Variants in SLC1A4 observed in about 807,000 individuals in gnomAD.
SLC1A4 encodes neutral amino acid transporter A.
In SLC1A4, 19 loss-of-function variants were observed where a neutral mutation model predicts 37.7. That is an observed-to-expected ratio of 0.50 (90% CI 0.35 to 0.74). The LOEUF is 0.74. Among genes scored for constraint, SLC1A4 ranks in the 30% least tolerant of loss-of-function variants. The pLI is 0.01. For synonymous variants in SLC1A4, 299 were observed against 309.8 expected (o/e 0.97, Z 0.37); for missense variants, 570 against 712.9 (o/e 0.80, Z 2.28).
intron 4 of SLC1A4, among the ~76,000 whole-genome samples, chr2:65,014,164 A>C (rs1339908451): frequency 6.6e-6 from 1 of 152,196 alleles, no homozygotes; most frequent in Non-Finnish European, 1.5e-5. Flanking sequence ...AAAATATAAA[A>C]AGTCTGCATG....
At chr2:64,991,746 G>A (rs1018577607) in intron 1 of SLC1A4, among the ~76,000 whole-genome samples, 4 of 152,080 alleles carry the variant, frequency 2.6e-5, no homozygotes, top group Non-Finnish European at 2.9e-5. Flanking sequence ...GATTACAGGC[G>A]CGTGCCACCA....
chr2:65,002,921 T>C (rs1237972484), intron 2 of SLC1A4, among the ~76,000 whole-genome samples: 6 of 152,030 alleles, frequency 3.9e-5, no homozygotes, highest in Non-Finnish European at 1.5e-5. Context: ...AAGGCCTAGA[T>C]TATATGGTCT....
rs1163541400 is a variant in SLC1A4, at chr2:65,022,067, C to A, written c.*921C>A. The A allele has an allele frequency of 6.6e-6, 1 of 152,246 alleles. No individual in the cohort carries two copies. The highest frequency in any genetic ancestry group is 1.9e-4 in the East Asian group (1 of 5,200). The allele number at this position is 152,246 out of a possible 1,614,324, so 9.4% of individuals were successfully genotyped here. A position where few individuals can be genotyped will look rare whatever the true frequency, so the allele number is the denominator to read the frequency against. Reference sequence around the variant, plus strand: ...TGTGATGTAGTTATCACATTCAGGACCCTTGTTGATTTATCATCTATTATT... The same window carrying A: ...TGTGATGTAGTTATCACATTCAGGAACCTTGTTGATTTATCATCTATTATT... On this transcript the variant is annotated 3_prime_UTR_variant, in exon 8 of 8. Transcript: ENST00000234256.
intron 4 of SLC1A4, among the ~76,000 whole-genome samples, chr2:65,014,747 T>C (rs1373380451): frequency 2.0e-5 from 3 of 152,262 alleles, no homozygotes; most frequent in African/African-American, 7.2e-5. Flanking sequence ...GTTCACTTCT[T>C]AGCATCTCTA....
chr2:64,991,014 T>C (rs1673028275), intron 1 of SLC1A4, among the ~76,000 whole-genome samples: 1 of 152,224 alleles, frequency 6.6e-6, no homozygotes, highest in Non-Finnish European at 1.5e-5. Flanking sequence ...ATGGGGAAAC[T>C]GCAGCCCGGA....
At chr2:64,995,084 T>A (rs569917424) in intron 1 of SLC1A4, among the ~76,000 whole-genome samples, 52 of 152,136 alleles carry the variant, frequency 3.4e-4, no homozygotes, top group Middle Eastern at 3.4e-3. Flanking sequence ...TAATTTTTTT[T>A]AAAAAAAGGT....
chr2:65,016,544 T>C lies in SLC1A4; in HGVS notation c.905T>C (p.Ile302Thr). 1.2e-6 allele frequency: 2 copies of C among 1,614,160 alleles called. No individual in the cohort carries two copies. The highest frequency in any genetic ancestry group is 1.7e-6 in the Non-Finnish European group (2 of 1,179,986). The change falls in exon 5 of 8, where the codon ATA becomes ACA. Residue 302 changes from isoleucine to threonine, a missense_variant. Coordinates refer to ENST00000234256, the MANE Select transcript of SLC1A4 (RefSeq NM_003038.5). The stretch of plus-strand genomic sequence containing the variant: ...CTGGGGAAATACATCTTCGCATCTA[T>C]ATTGGGCCATGTTATTCATGGAGGA... ...TSLGKYIFAS[I>T]LGHVIHGGIV...
chr2:65,013,478 T>C (rs1674004752), intron 4 of SLC1A4, among the ~76,000 whole-genome samples: 1 of 152,172 alleles, frequency 6.6e-6, no homozygotes. Flanking sequence ...CACCTTGGCC[T>C]CCCAAAGTGC....
chr2:65,009,977 G>T (rs910419326), intron 3 of SLC1A4, among the ~76,000 whole-genome samples: 1 of 151,854 alleles, frequency 6.6e-6, no homozygotes. Flanking sequence ...TGTCGCCCAG[G>T]CTGGAGTGCA....
intron 1 of SLC1A4, among the ~76,000 whole-genome samples, chr2:64,993,266 A>G (rs1421415738): frequency 1.3e-5 from 2 of 152,320 alleles, no homozygotes; most frequent in Admixed American, 6.5e-5. Context: ...AGTGCCCCCA[A>G]ATCCCCCAGG....
chr2:65,011,790 A>T (rs1465428215), intron 4 of SLC1A4, among the ~76,000 whole-genome samples: 1 of 152,012 alleles, frequency 6.6e-6, no homozygotes, highest in Non-Finnish European at 1.5e-5. Flanking sequence ...TTTCTTTGAG[A>T]CGGAGCCTCT....
chr2:65,009,146 G>A (rs1231199000), intron 3 of SLC1A4, among the ~76,000 whole-genome samples: 1 of 152,182 alleles, frequency 6.6e-6, no homozygotes, highest in African/African-American at 2.4e-5. Context: ...GATCACCTGA[G>A]GTCGGGAGTT....
intron 4 of SLC1A4, among the ~76,000 whole-genome samples, chr2:65,013,502 A>G (rs995086906): frequency 2.0e-5 from 3 of 152,214 alleles, no homozygotes; most frequent in Non-Finnish European, 2.9e-5. Flanking sequence ...GATTACAGGC[A>G]TGAGCCATAG....
chr2:65,016,383 G>A, intron 4 of SLC1A4, 57 bp from the exon 5 acceptor site: 7 of 1,357,080 alleles, frequency 5.2e-6, no homozygotes, highest in South Asian at 2.3e-5. Flanking sequence ...GGAAGGACCT[G>A]CATCTCTCAC....
Position 64,989,436 on chromosome 2 carries a change from G to A in SLC1A4, c.-208G>A, listed in dbSNP as rs1440298834. On this transcript the variant is annotated 5_prime_UTR_variant, in exon 1 of 8. Coordinates refer to ENST00000234256, the MANE Select transcript of SLC1A4 (RefSeq NM_003038.5). The stretch of plus-strand genomic sequence containing the variant: ...CGGCTGCTCCAGGGAGGCTGGGCGC[G>A]ATCCTCTCCGCCCGCGGCTCCAACC... 2 of 411,442 alleles carry A rather than the reference G, an allele frequency of 4.9e-6. No individual in the cohort carries two copies. Among genetic ancestry groups the A allele is most frequent in the Non-Finnish European group, 8.4e-6 (2 of 238,612 alleles). 25.5% of individuals were successfully genotyped at this position (411,442 alleles called of 1,614,324 possible). A position where few individuals can be genotyped will look rare whatever the true frequency, so the allele number is the denominator to read the frequency against.
intron 4 of SLC1A4, 81 bp downstream of exon 4, chr2:65,010,844 C>A: frequency 7.2e-7 from 1 of 1,394,642 alleles, no homozygotes. Flanking sequence ...TTCTAGGTAC[C>A]TGTGTGGGGC....
At chr2:65,005,222 T>C (rs1172562050) in intron 3 of SLC1A4, among the ~76,000 whole-genome samples, 1 of 152,192 alleles carries the variant, frequency 6.6e-6, no homozygotes, top group African/African-American at 2.4e-5. Flanking sequence ...AAAGTCTGCA[T>C]TTGGTTGCCT....
intron 3 of SLC1A4, among the ~76,000 whole-genome samples, chr2:65,007,541 G>C (rs1673732816): frequency 6.6e-6 from 1 of 152,174 alleles, no homozygotes; most frequent in Non-Finnish European, 1.5e-5. Flanking sequence ...CTCCTCTACA[G>C]AAAGGGAGTC....
In SLC1A4 at chr2:65,018,471, C is replaced by G; in HGVS notation, c.1230-74C>G. On this transcript the variant is annotated intron_variant, in intron 6 of 7. Coordinates refer to ENST00000234256, the MANE Select transcript of SLC1A4 (RefSeq NM_003038.5). This position sits in a 1 kb window ranked among gnomAD's most constrained non-coding sequence, Gnocchi z 4.3. ...TTTTTAGTTTCCAGCCACATTGCAG[C>G]TGCATGGTCTGCATTTCTCTGTGTC... 1 of 1,575,526 alleles carries G rather than the reference C, an allele frequency of 6.3e-7. No homozygotes were observed. The highest frequency in any genetic ancestry group is 1.2e-5 in the South Asian group (1 of 86,228).
Sources: allele counts gnomAD v4.1 joint callset (sites outside exome capture counted in the v4.1 genomes callset), GRCh38; gene constraint gnomAD v4.1.1; non-coding constraint Gnocchi (gnomAD v3.1); transcripts MANE v1.5; gene names NCBI Gene and HGNC (gene_info 2026-07-23, HGNC 2026-07-21).